The following MKI67 variants were observed in gnomAD, a reference collection of about 807,000 sequenced individuals.
The protein encoded by MKI67 is marker of proliferation Ki-67.
In MKI67, 152 loss-of-function variants were observed where a neutral mutation model predicts 233.5. The observed-to-expected ratio is 0.65, with a 90% CI of 0.57 to 0.74. The LOEUF (loss-of-function observed/expected upper bound fraction) is 0.74. Among genes scored for constraint, MKI67 ranks in the 30% least tolerant of loss-of-function variants. The pLI, the probability that MKI67 is intolerant of heterozygous loss-of-function variation, is 0.00. For synonymous variants in MKI67, 1,465 were observed against 1,418.5 expected, an observed-to-expected ratio of 1.03 and a Z score of -0.74; for missense variants, 3,940 against 3,885.2, an observed-to-expected ratio of 1.01 and a Z score of -0.37.
chr10:128,112,468 A>C, intron 8 of MKI67, 23 bp from the exon 9 acceptor site: 1 of 1,607,146 alleles, frequency 6.2e-7, no homozygotes, highest in Non-Finnish European at 8.5e-7. Context: ...AATTGTTTAC[A>C]AGAAGCCTTA....
chr10:128,101,706 A>G lies in MKI67; in HGVS notation c.9262-5T>C. The G allele has an allele frequency of 6.4e-7, 1 of 1,561,842 alleles. No homozygotes were observed. Among genetic ancestry groups the G allele is most frequent in the Non-Finnish European group, 8.6e-7 (1 of 1,158,404 alleles). ...TCTGGAGCGCAGGGATATTCCCTAAAGAAATGAGAAGACATCCACAAAATT... is the reference window on the plus strand; with the variant it reads ...TCTGGAGCGCAGGGATATTCCCTAAGGAAATGAGAAGACATCCACAAAATT... On this transcript the variant is annotated splice_polypyrimidine_tract_variant and splice_region_variant and intron_variant, in intron 13 of 14. Transcript: ENST00000368654.
intron 12 of MKI67, among the ~76,000 whole-genome samples, 192 bp from the exon 13 acceptor site, chr10:128,109,615 T>A (rs1460566660): frequency 1.3e-5 from 2 of 152,220 alleles, no homozygotes; most frequent in Non-Finnish European, 2.9e-5. Flanking sequence ...TATTTGGTGC[T>A]ATAGTGGGGT....
At position 128,125,713 on chromosome 10, in the gene MKI67, A is replaced by G. The variant is rs778793027; in HGVS notation, c.-46T>C. ...TATAATCCGTAGGGGAAGGCCAGGTATAATCCGTAGGGGAAGGCCAGAAGC... is the reference window on the plus strand; with the variant it reads ...TATAATCCGTAGGGGAAGGCCAGGTGTAATCCGTAGGGGAAGGCCAGAAGC... On this transcript the variant is annotated 5_prime_UTR_variant, in exon 2 of 15. Transcript: ENST00000368654. This position sits in a 1 kb window ranked among gnomAD's most constrained non-coding sequence, Gnocchi z 5.3. 5.2e-6 allele frequency: 8 copies of G among 1,526,400 alleles called. No individual in the cohort carries two copies. The highest frequency in any genetic ancestry group is 3.4e-4 in the Middle Eastern group (2 of 5,830). 94.6% of individuals were successfully genotyped at this position (1,526,400 alleles called of 1,614,324 possible). A position where few individuals can be genotyped will look rare whatever the true frequency, so the allele number is the denominator to read the frequency against.
Position 128,101,633 on chromosome 10 carries a change from T to C in MKI67, c.9330A>G (p.Val3110=). 2 of 1,613,750 alleles carry C rather than the reference T, an allele frequency of 1.2e-6. No individual in the cohort carries two copies. The highest frequency in any genetic ancestry group is 1.7e-6 in the Non-Finnish European group (2 of 1,179,964). ...EAEQQITEVF[V]LAERIEINRN... ...TGTTTATTTCTATTCTTTCTGCTAA[T>C]ACAAAGACCTCAGTTATTTGCTGTT... is the stretch of plus-strand genomic sequence containing the variant. Residue 3110 remains valine (V), a synonymous_variant, in exon 14 of 15, where the codon GTA becomes GTG. Transcript: ENST00000368654.
Position 128,106,887 on chromosome 10 carries a change from C to T in MKI67, c.4953G>A (p.Lys1651=). ...TAGTCTCTCCTGATGTCTGTGTGAG[C>T]TTGCCAACTGCTAGGAGCTCTTCTT... is the stretch of plus-strand genomic sequence containing the variant. The part of the protein sequence containing the change: ...GVKEELLAVG[K]LTQTSGETTH... The change falls in exon 13 of 15, where the codon AAG becomes AAA. Residue 1651 remains lysine (K), a synonymous_variant. Transcript: ENST00000368654. The T allele has an allele frequency of 6.2e-7, 1 of 1,613,970 alleles. No individual in the cohort carries two copies. Among genetic ancestry groups the T allele is most frequent in the Non-Finnish European group, 8.5e-7 (1 of 1,179,968 alleles).
Position 128,112,123 on chromosome 10 carries a change from T to A in MKI67, c.1969+10A>T, listed in dbSNP as rs1344329681. ...TCACCTTAATATATGTATTCTAATG[T>A]CAGACTAACCAATCAGATTTGCTTC... On this transcript the variant is annotated intron_variant, in intron 9 of 14. Transcript: ENST00000368654. The A allele has an allele frequency of 1.9e-6, 3 of 1,612,806 alleles. No individual in the cohort carries two copies. The East Asian group carries it at 6.7e-5, about 36-fold the overall frequency.
rs757537066 is a variant in MKI67, at chr10:128,107,153, C to T, written c.4687G>A (p.Asp1563Asn). 1 of 1,613,640 alleles carries T rather than the reference C, an allele frequency of 6.2e-7. No individual in the cohort carries two copies. Among genetic ancestry groups the T allele is most frequent in the Non-Finnish European group, 8.5e-7 (1 of 1,179,982 alleles). The stretch of plus-strand genomic sequence containing the variant: ...CTGCCAGTTAAGTTCTCTGTCAGGT[C>T]CAGTTTCTGCACTGGAGTTCCCATA... ...AFMGTPVQKLDLTENLTGSKR... is the reference protein window; with the variant it reads ...AFMGTPVQKLNLTENLTGSKR... The change falls in exon 13 of 15, where the codon GAC becomes AAC. Residue 1563 changes from aspartate (D) to asparagine (N), a missense_variant. Physicochemically the swap from Asp to Asn is conservative, Grantham distance 23. Coordinates refer to ENST00000368654, the MANE Select transcript of MKI67 (RefSeq NM_002417.5).
Position 128,112,325 on chromosome 10 carries a change from C to T in MKI67, c.1777G>A (p.Asp593Asn). Residue 593 changes from aspartate (D) to asparagine (N), a missense_variant, in exon 9 of 15, where the codon GAT becomes AAT. By Grantham distance (23) the Asp-to-Asn change is conservative. Coordinates refer to ENST00000368654, the MANE Select transcript of MKI67 (RefSeq NM_002417.5). ...PSPRKTPVAS[D>N]QRRRSCKTAP... ...GTTTTGCAGGACCTACGGCGTTGAT[C>T]ACTGGCAACTGGAGTTTTCCTAGGA... 2 of 1,614,212 alleles carry T rather than the reference C, an allele frequency of 1.2e-6. No individual in the cohort carries two copies. The highest frequency in any genetic ancestry group is 8.5e-7 in the Non-Finnish European group (1 of 1,180,038).
rs772747861 is a variant in MKI67 at position 128,108,799 on chromosome 10, G to C, written c.3041C>G (p.Pro1014Arg). The C allele has an allele frequency of 2.5e-6, 4 of 1,614,090 alleles. No homozygotes were observed. Among genetic ancestry groups the C allele is most frequent in the Middle Eastern group, 1.6e-4 (1 of 6,084 alleles). ...TTTTGTGTGTGTTGGGGTGTTTATT[G>C]GTTCTGGTTGTAATGACTGGCAGGG... ...KMPCQSLQPE[P>R]INTPTHTKQQ... The change falls in exon 13 of 15, where the codon CCA (proline) becomes CGA (arginine). Residue 1014 changes from proline (P) to arginine (R), a missense_variant. Physicochemically the swap from Pro to Arg is moderately radical, Grantham distance 103 (BLOSUM62 -2). Coordinates refer to ENST00000368654, the MANE Select transcript of MKI67 (RefSeq NM_002417.5).
Position 128,115,017 on chromosome 10 carries a change from G to A in MKI67, c.1391C>T (p.Pro464Leu). The change falls in exon 7 of 15, where the codon CCT becomes CTT. Residue 464 changes from proline (P) to leucine (L), a missense_variant. Transcript: ENST00000368654. The stretch of plus-strand genomic sequence containing the variant: ...TCCAGCTGTAGTGCCCAATTTCTCA[G>A]GCTTGCTGAGGGAATCCTTTTGGAT... ...RKIQKDSLSK[P>L]EKLGTTAGQM... is the part of the protein sequence containing the mutation. The A allele has an allele frequency of 6.2e-7, 1 of 1,611,498 alleles. No individual in the cohort carries two copies. Among genetic ancestry groups the A allele is most frequent in the Non-Finnish European group, 8.5e-7 (1 of 1,177,624 alleles).
Position 128,125,724 on chromosome 10 carries a change from G to A in MKI67, c.-57C>T. On this transcript the variant is annotated 5_prime_UTR_variant, in exon 2 of 15. Coordinates refer to ENST00000368654, the MANE Select transcript of MKI67 (RefSeq NM_002417.5). This position sits in a 1 kb window ranked among gnomAD's most constrained non-coding sequence, Gnocchi z 5.3. ...GGGGAAGGCCAGGTATAATCCGTAG[G>A]GGAAGGCCAGAAGCAAATTTACAAC... The A allele has an allele frequency of 2.1e-6, 3 of 1,447,480 alleles. No homozygotes were observed. The highest frequency in any genetic ancestry group is 2.3e-5 in the East Asian group (1 of 44,078). 89.7% of individuals were successfully genotyped at this position (1,447,480 alleles called of 1,614,324 possible).
Position 128,103,737 on chromosome 10 carries a change from G to C in MKI67, c.8103C>G (p.Ala2701=). The stretch of plus-strand genomic sequence containing the variant: ...GGGGAGATTCGCAGGGTATTTTAGT[G>C]GCTTTGCCAGCAGTCAGTGATTCCT... The part of the protein sequence containing the change: ...HTQESLTAGK[A]TKIPCESPPL... Residue 2701 remains alanine, a synonymous_variant, in exon 13 of 15, where the codon GCC becomes GCG. Transcript: ENST00000368654. 6.2e-7 allele frequency: 1 copy of C among 1,614,008 alleles called. No homozygotes were observed. Among genetic ancestry groups the C allele is most frequent in the African/African-American group, 1.3e-5 (1 of 74,966 alleles).
rs774920379 is a variant in MKI67, at chr10:128,110,383, C to T, written c.2411G>A (p.Ser804Asn). 1 of 1,560,522 alleles carries T rather than the reference C, an allele frequency of 6.4e-7. No homozygotes were observed. ...TAGGAAACAAGGAAACCAACCAAAA[C>T]TCTCTGAGGTGGGGAGCAGAGGTTC... ...GEEPLLPTSE[S>N]FGGNVFFSAQ... Residue 804 changes from serine (S) to asparagine (N), a missense_variant, in exon 12 of 15, where the codon AGT (serine) becomes AAT (asparagine). Transcript: ENST00000368654.
chr10:128,120,011 A>T (rs1852898363), intron 4 of MKI67, among the ~76,000 whole-genome samples: 3 of 152,226 alleles, frequency 2.0e-5, no homozygotes, highest in Non-Finnish European at 4.4e-5. Context: ...TAGGCAACCT[A>T]AGTAAGATCT....
At position 128,112,450 on chromosome 10, in the gene MKI67, C is replaced by T; in HGVS notation, c.1657-5G>A. Reference sequence around the variant, plus strand: ...TCCTGATGGTTGAGGCTGTTCCTGACAAGACAAAATTGTTTACAAGAAGCC... The same window carrying T: ...TCCTGATGGTTGAGGCTGTTCCTGATAAGACAAAATTGTTTACAAGAAGCC... On this transcript the variant is annotated splice_polypyrimidine_tract_variant and splice_region_variant and intron_variant, in intron 8 of 14. Transcript: ENST00000368654. 1.2e-6 allele frequency: 2 copies of T among 1,612,398 alleles called. No individual in the cohort carries two copies. The highest frequency in any genetic ancestry group is 1.7e-6 in the Non-Finnish European group (2 of 1,178,880).
intron 2 of MKI67, among the ~76,000 whole-genome samples, chr10:128,123,668 G>GTTGTACATGTCACTAATTTGCC (rs1239039640): frequency 6.6e-6 from 1 of 152,130 alleles, no homozygotes; most frequent in Non-Finnish European, 1.5e-5. Flanking sequence ...CAATTAAATG[G>GTTGTACATGTCACTAATTTGCC]TTGTACATGT....
At chr10:128,120,132 T>A (rs1852901915) in intron 4 of MKI67, among the ~76,000 whole-genome samples, 1 of 152,224 alleles carries the variant, frequency 6.6e-6, no homozygotes, top group Non-Finnish European at 1.5e-5. Context: ...TCATCTGAAT[T>A]TATCTCAATT....
In MKI67 at chr10:128,115,511, G is replaced by A. The variant is rs776147214; in HGVS notation, c.897C>T (p.Ser299=). The change falls in exon 7 of 15, where the codon AGC becomes AGT. Residue 299 remains serine (S), a synonymous_variant. Coordinates refer to ENST00000368654, the MANE Select transcript of MKI67 (RefSeq NM_002417.5). The part of the protein sequence containing the change: ...SRKSRPKSGG[S]GHAVAEPASP... ...AAGCAGGCTCTGCCACAGCGTGGCC[G>A]CTCCCACCAGATTTTGGTCTTGACT... The A allele has an allele frequency of 1.3e-5, 21 of 1,614,156 alleles. No individual in the cohort carries two copies. The Admixed American group carries it at 2.3e-4, about 18-fold the overall frequency.
chr10:128,118,829 A>C (rs1293253366), intron 5 of MKI67, among the ~76,000 whole-genome samples: 2 of 152,186 alleles, frequency 1.3e-5, no homozygotes, highest in Non-Finnish European at 2.9e-5. Context: ...CAAAATAGAG[A>C]AGCATCTTTG....
Sources: allele counts gnomAD v4.1 joint callset (sites outside exome capture counted in the v4.1 genomes callset), GRCh38; gene constraint gnomAD v4.1.1; non-coding constraint Gnocchi (gnomAD v3.1); transcripts MANE v1.5; gene names NCBI Gene and HGNC (gene_info 2026-07-23, HGNC 2026-07-21).